Variants in CXCL6 observed in about 807,000 individuals in gnomAD.
CXCL6 encodes C-X-C motif chemokine 6.
In CXCL6, 18 loss-of-function variants were observed where a neutral mutation model predicts 10.5. The ratio of observed to expected loss-of-function variants is 1.71; its 90% CI spans 1.18 to 2.54. The LOEUF (loss-of-function observed/expected upper bound fraction) is 2.54, where lower values mean the gene tolerates loss of function less well. Ranked by LOEUF, CXCL6 falls within the 30% of genes most tolerant of loss-of-function variation. The probability of loss-of-function intolerance (pLI) is 0.00; values close to 1 mark genes in which losing one functional copy is unlikely to be tolerated. For synonymous variants in CXCL6, 82 were observed against 68.3 expected, an observed-to-expected ratio of 1.20 and a Z score of -0.99; for missense variants, 171 against 145.7, an observed-to-expected ratio of 1.17 and a Z score of -0.90.
rs904768562 is a variant in CXCL6 at position 73,838,456 on chromosome 4, G to A, written c.*815G>A. On this transcript the variant is annotated 3_prime_UTR_variant, in exon 4 of 4. Coordinates refer to ENST00000226317, the MANE Select transcript of CXCL6 (RefSeq NM_002993.4). ...CCTGATTGCTAATTTACATAGAAAT[G>A]TATTCTCTTGGTTTTTTAAATAAAA... The A allele has an allele frequency of 6.6e-6, 1 of 152,350 alleles. No individual in the cohort carries two copies. The highest frequency in any genetic ancestry group is 1.5e-5 in the Non-Finnish European group (1 of 67,996). 9.4% of individuals were successfully genotyped at this position (152,350 alleles called of 1,614,324 possible). A position where few individuals can be genotyped will look rare whatever the true frequency, so the allele number is the denominator to read the frequency against.
At position 73,838,017 on chromosome 4, in the gene CXCL6, T is replaced by C. The variant is rs1731144206; in HGVS notation, c.*376T>C. On this transcript the variant is annotated 3_prime_UTR_variant, in exon 4 of 4. Coordinates refer to ENST00000226317, the MANE Select transcript of CXCL6 (RefSeq NM_002993.4). The stretch of plus-strand genomic sequence containing the variant: ...AGTCTTACCGAAAAGGCTGTGGATT[T>C]CGTATGGAAATAATGTTTTATTAGT... 1 of 168,750 alleles carries C rather than the reference T, an allele frequency of 5.9e-6. No homozygotes were observed. The highest frequency in any genetic ancestry group is 6.3e-5 in the Admixed American group (1 of 15,768). The allele number at this position is 168,750 out of a possible 1,614,324, so 10.5% of individuals were successfully genotyped here.
intron 3 of CXCL6, 136 bp downstream of exon 3, chr4:73,837,422 T>A (rs1486796937): frequency 5.8e-6 from 6 of 1,040,316 alleles, no homozygotes; most frequent in Non-Finnish European, 8.5e-6. Flanking sequence ...AAGGAAACTT[T>A]TTTTCTGGAA....
chr4:73,837,639 T>C lies in CXCL6; in HGVS notation c.343T>C (p.Ter115ArgextTer26), dbSNP rs760400881. The C allele has an allele frequency of 1.9e-6, 3 of 1,554,258 alleles. No individual in the cohort carries two copies. The highest frequency in any genetic ancestry group is 2.5e-5 in the South Asian group (2 of 81,120). The change falls in exon 4 of 4, where the codon TGA becomes CGA. Residue 115 changes from the stop codon to arginine, a stop_lost. Transcript: ENST00000226317. ...KILDSGNKKN* is the reference protein window; with the variant it reads ...KILDSGNKKNR ...TCTCAACAGTGGAAACAAGAAAAAC[T>C]GAGTAACAAAAAAGACCATGCATCA...
At position 73,838,283 on chromosome 4, in the gene CXCL6, G is replaced by A. The variant is rs945918919; in HGVS notation, c.*642G>A. ...ATATTCTCTTCCTATGGTTTTAGAC[G>A]TTTGATGTCTTCTTAGTATGGCATA... is the stretch of plus-strand genomic sequence containing the variant. On this transcript the variant is annotated 3_prime_UTR_variant, in exon 4 of 4. Transcript: ENST00000226317. The A allele has an allele frequency of 6.6e-6, 1 of 152,076 alleles. No homozygotes were observed. The highest frequency in any genetic ancestry group is 6.5e-5 in the Admixed American group (1 of 15,274). 9.4% of individuals were successfully genotyped at this position (152,076 alleles called of 1,614,324 possible). A position where few individuals can be genotyped will look rare whatever the true frequency, so the allele number is the denominator to read the frequency against.
Position 73,837,644 on chromosome 4 carries a change from A to T in CXCL6, c.*3A>T. The T allele has an allele frequency of 1.3e-6, 2 of 1,554,264 alleles. No individual in the cohort carries two copies. Among genetic ancestry groups the T allele is most frequent in the Non-Finnish European group, 1.7e-6 (2 of 1,162,424 alleles). ...ACAGTGGAAACAAGAAAAACTGAGT[A>T]ACAAAAAAGACCATGCATCATAAAA... On this transcript the variant is annotated 3_prime_UTR_variant, in exon 4 of 4. Coordinates refer to ENST00000226317, the MANE Select transcript of CXCL6 (RefSeq NM_002993.4).
In CXCL6 at chr4:73,837,660, C is replaced by G; in HGVS notation, c.*19C>G. ...AAACTGAGTAACAAAAAAGACCATGCATCATAAAATTGCCCAGTCTTCAGC... is the reference window on the plus strand; with the variant it reads ...AAACTGAGTAACAAAAAAGACCATGGATCATAAAATTGCCCAGTCTTCAGC... On this transcript the variant is annotated 3_prime_UTR_variant, in exon 4 of 4. Transcript: ENST00000226317. The G allele has an allele frequency of 6.5e-7, 1 of 1,550,002 alleles. No individual in the cohort carries two copies. The highest frequency in any genetic ancestry group is 1.2e-5 in the South Asian group (1 of 80,614).
chr4:73,837,910 G>T lies in CXCL6; in HGVS notation c.*269G>T. Reference sequence around the variant, plus strand: ...ACCCTTTGGCAATTGACCATATTGTGAGCAAAGAATCACTGGTTATTAGTC... The same window carrying T: ...ACCCTTTGGCAATTGACCATATTGTTAGCAAAGAATCACTGGTTATTAGTC... On this transcript the variant is annotated 3_prime_UTR_variant, in exon 4 of 4. Transcript: ENST00000226317. The T allele has an allele frequency of 2.9e-6, 1 of 343,938 alleles. No individual in the cohort carries two copies. The allele number at this position is 343,938 out of a possible 1,614,324, so 21.3% of individuals were successfully genotyped here.
At position 73,836,959 on chromosome 4, in the gene CXCL6, C is replaced by A; in HGVS notation, c.110-5C>A. The stretch of plus-strand genomic sequence containing the variant: ...CTGCCCTATAAAAATGTCTTTCTTC[C>A]CCAGCTGGTCCTGTCTCTGCTGTGC... On this transcript the variant is annotated splice_region_variant and splice_polypyrimidine_tract_variant and intron_variant, in intron 1 of 3. Coordinates refer to ENST00000226317, the MANE Select transcript of CXCL6 (RefSeq NM_002993.4). 6.2e-7 allele frequency: 1 copy of A among 1,603,926 alleles called. No individual in the cohort carries two copies. Among genetic ancestry groups the A allele is most frequent in the East Asian group, 2.2e-5 (1 of 44,780 alleles).
chr4:73,837,235 T>C lies in CXCL6; in HGVS notation c.275T>C (p.Leu92Pro). The C allele has an allele frequency of 6.2e-7, 1 of 1,614,216 alleles. No homozygotes were observed. Among genetic ancestry groups the C allele is most frequent in the Non-Finnish European group, 8.5e-7 (1 of 1,180,026 alleles). ...ASLKNGKQVC[L>P]DPEAPFLKKV... is the part of the protein sequence containing the mutation. ...CTGAAGAACGGGAAGCAAGTTTGTC[T>C]GGACCCGGAAGCCCCTTTTCTAAAG... The change falls in exon 3 of 4, where the codon CTG (leucine) becomes CCG (proline). Residue 92 changes from leucine to proline, a missense_variant. Coordinates refer to ENST00000226317, the MANE Select transcript of CXCL6 (RefSeq NM_002993.4).
At position 73,837,039 on chromosome 4, in the gene CXCL6, C is replaced by T; in HGVS notation, c.185C>T (p.Thr62Met). 6.2e-7 allele frequency: 1 copy of T among 1,613,948 alleles called. No individual in the cohort carries two copies. The highest frequency in any genetic ancestry group is 8.5e-7 in the Non-Finnish European group (1 of 1,179,900). Residue 62 changes from threonine to methionine, a missense_variant, in exon 2 of 4, where the codon ACG (threonine) becomes ATG (methionine). Transcript: ENST00000226317. Reference protein sequence around the residue: ...LRVTLRVNPKTIGKLQVFPAG... With the variant: ...LRVTLRVNPKMIGKLQVFPAG... ...GTTACGCTGAGAGTAAACCCCAAAACGATTGGTAAACTGCAGGTGTTCCCC... is the reference window on the plus strand; with the variant it reads ...GTTACGCTGAGAGTAAACCCCAAAATGATTGGTAAACTGCAGGTGTTCCCC...
At chr4:73,837,341 A>T (rs1297701300) in intron 3 of CXCL6, 55 bp downstream of exon 3, 1 of 1,408,628 alleles carries the variant, frequency 7.1e-7, no homozygotes, top group Non-Finnish European at 1.0e-6. Flanking sequence ...GAAAGCATAT[A>T]CTTCACAATG....
In CXCL6 at chr4:73,836,731, C is replaced by T. The variant is rs773061109; in HGVS notation, c.-20C>T. ...CGCCTCCACCCAGCTCAGGAACCCG[C>T]GAACCCTCTCTTGACCACTATGAGC... On this transcript the variant is annotated 5_prime_UTR_variant, in exon 1 of 4. Coordinates refer to ENST00000226317, the MANE Select transcript of CXCL6 (RefSeq NM_002993.4). 1 of 1,595,588 alleles carries T rather than the reference C, an allele frequency of 6.3e-7. No homozygotes were observed. Among genetic ancestry groups the T allele is most frequent in the Non-Finnish European group, 8.5e-7 (1 of 1,171,144 alleles).
chr4:73,838,001 G>A lies in CXCL6; in HGVS notation c.*360G>A, dbSNP rs538492917. The A allele has an allele frequency of 2.0e-4, 36 of 181,874 alleles. No individual in the cohort carries two copies. In the South Asian group the frequency reaches 6.6e-3, roughly 33 times the overall value. The allele number at this position is 181,874 out of a possible 1,614,324, so 11.3% of individuals were successfully genotyped here. A position where few individuals can be genotyped will look rare whatever the true frequency, so the allele number is the denominator to read the frequency against. On this transcript the variant is annotated 3_prime_UTR_variant, in exon 4 of 4. Transcript: ENST00000226317. ...ATCATACATTCCTTAAAGTCTTACC[G>A]AAAAGGCTGTGGATTTCGTATGGAA... is the stretch of plus-strand genomic sequence containing the variant.
At chr4:73,837,468 C>T in intron 3 of CXCL6, 155 bp from the exon 4 acceptor site, 1 of 915,024 alleles carries the variant, frequency 1.1e-6, no homozygotes, top group Non-Finnish European at 1.7e-6. Context: ...ATCTTACATG[C>T]CTGAACAATT....
chr4:73,838,448 A>G lies in CXCL6; in HGVS notation c.*807A>G, dbSNP rs1365539558. 6.6e-6 allele frequency: 1 copy of G among 152,384 alleles called. No individual in the cohort carries two copies. Among genetic ancestry groups the G allele is most frequent in the Non-Finnish European group, 1.5e-5 (1 of 68,014 alleles). The allele number at this position is 152,384 out of a possible 1,614,324, so 9.4% of individuals were successfully genotyped here. On this transcript the variant is annotated 3_prime_UTR_variant, in exon 4 of 4. Coordinates refer to ENST00000226317, the MANE Select transcript of CXCL6 (RefSeq NM_002993.4). ...GATAAATTCCTGATTGCTAATTTAC[A>G]TAGAAATGTATTCTCTTGGTTTTTT... is the stretch of plus-strand genomic sequence containing the variant.
rs1459311251 is a variant in CXCL6 at position 73,836,777 on chromosome 4, C to A, written c.27C>A (p.Ala9=). The A allele has an allele frequency of 6.2e-7, 1 of 1,611,462 alleles. No homozygotes were observed. Among genetic ancestry groups the A allele is most frequent in the Non-Finnish European group, 8.5e-7 (1 of 1,179,328 alleles). MSLPSSRA[A]RVPGPSGSLC... is the part of the protein sequence containing the mutation. ...TGAGCCTCCCGTCCAGCCGCGCGGC[C>A]CGTGTCCCGGGTCCTTCGGGCTCCT... Residue 9 remains alanine, a synonymous_variant, in exon 1 of 4, where the codon GCC becomes GCA. Transcript: ENST00000226317.
intron 3 of CXCL6, 143 bp downstream of exon 3, chr4:73,837,429 G>A (rs1189576801): frequency 2.0e-6 from 2 of 978,202 alleles, no homozygotes. Context: ...CTTTTTTTCT[G>A]GAATGTTCTG....
Position 73,836,760 on chromosome 4 carries a change from C to T in CXCL6, c.10C>T (p.Pro4Ser). 1 of 1,610,064 alleles carries T rather than the reference C, an allele frequency of 6.2e-7. No individual in the cohort carries two copies. The highest frequency in any genetic ancestry group is 8.5e-7 in the Non-Finnish European group (1 of 1,178,744). ...CCCTCTCTTGACCACTATGAGCCTC[C>T]CGTCCAGCCGCGCGGCCCGTGTCCC... MSLPSSRAARVPGP... is the reference protein window; with the variant it reads MSLSSSRAARVPGP... The change falls in exon 1 of 4, where the codon CCG (proline) becomes TCG (serine). Residue 4 changes from proline (P) to serine (S), a missense_variant. Physicochemically the swap from Pro to Ser is moderately conservative, Grantham distance 74 (BLOSUM62 -1). Coordinates refer to ENST00000226317, the MANE Select transcript of CXCL6 (RefSeq NM_002993.4).
In CXCL6 at chr4:73,838,344, T is replaced by C. The variant is rs1731149493; in HGVS notation, c.*703T>C. 2 of 152,216 alleles carry C rather than the reference T, an allele frequency of 1.3e-5. No homozygotes were observed. The highest frequency in any genetic ancestry group is 2.9e-5 in the Non-Finnish European group (2 of 68,026). The allele number at this position is 152,216 out of a possible 1,614,324, so 9.4% of individuals were successfully genotyped here. ...TTACTCATTAAACTTTGATTTTGTA[T>C]GCTATTTTTTCACTATAGGATGACT... On this transcript the variant is annotated 3_prime_UTR_variant, in exon 4 of 4. Transcript: ENST00000226317.
Sources: gnomAD v4.1 joint callset for allele counts on GRCh38, gnomAD v4.1.1 for gene constraint, MANE v1.5 for transcripts, NCBI Gene and HGNC (gene_info 2026-07-23, HGNC 2026-07-21) for gene names.